Variants in VPS52 observed in about 807,000 individuals in gnomAD.
The protein encoded by VPS52 is VPS52 subunit of GARP complex.
VPS52 carries 56 observed loss-of-function variants against 98.7 expected under a neutral mutation model. That is an observed-to-expected ratio of 0.57 (90% CI 0.46 to 0.71). The LOEUF is 0.71. Ranked by LOEUF, VPS52 falls within the 30% of genes least tolerant of loss-of-function variation. The pLI is 0.00. For missense variants in VPS52, 742 were observed against 925.9 expected (o/e 0.80, Z 2.58); for synonymous variants, 348 against 346.4 (o/e 1.00, Z -0.05).
chr6:33,268,056 A>T lies in VPS52; in HGVS notation c.800+52T>A. 6.2e-7 allele frequency: 1 copy of T among 1,612,972 alleles called. No homozygotes were observed. The highest frequency in any genetic ancestry group is 8.5e-7 in the Non-Finnish European group (1 of 1,179,978). ...TCCCAAGAAACCAGATGCCCACACT[A>T]GGCCGCTCAAAAACTCAAAGGCCAT... On this transcript the variant is annotated intron_variant, in intron 8 of 19. Transcript: ENST00000445902. This position sits in a 1 kb window ranked among gnomAD's most constrained non-coding sequence, Gnocchi z 4.0.
chr6:33,267,439 G>C lies in VPS52; in HGVS notation c.992-118C>G. On this transcript the variant is annotated intron_variant, in intron 10 of 19. Coordinates refer to ENST00000445902, the MANE Select transcript of VPS52 (RefSeq NM_022553.6). This position sits in a 1 kb window ranked among gnomAD's most constrained non-coding sequence, Gnocchi z 4.2. ...TAGCCAGCCCTCTTTCCCAGTACTA[G>C]GGCCCCACGTGCTGACATCTGTGAA... 6.8e-7 allele frequency: 1 copy of C among 1,464,062 alleles called. No homozygotes were observed. Among genetic ancestry groups the C allele is most frequent in the Non-Finnish European group, 9.1e-7 (1 of 1,093,820 alleles). 90.7% of individuals were successfully genotyped at this position (1,464,062 alleles called of 1,614,324 possible).
In VPS52 at chr6:33,264,063, C is replaced by G; in HGVS notation, c.1565G>C (p.Ser522Thr). The G allele has an allele frequency of 6.2e-7, 1 of 1,614,242 alleles. No individual in the cohort carries two copies. The highest frequency in any genetic ancestry group is 1.1e-5 in the South Asian group (1 of 91,088). The change falls in exon 15 of 20, where the codon AGT (serine) becomes ACT (threonine). Residue 522 changes from serine to threonine, a missense_variant. Physicochemically the swap from Ser to Thr is moderately conservative, Grantham distance 58. Transcript: ENST00000445902. Reference protein sequence around the residue: ...RYAEFSSALVSINQTIPNERT... With the variant: ...RYAEFSSALVTINQTIPNERT... ...TTCATTAGGAATTGTCTGGTTGATA[C>G]TGACAAGAGCGGAGGAGAACTCTGC...
chr6:33,270,992 G>C (rs966598426), intron 1 of VPS52: 1 of 154,952 alleles, frequency 6.5e-6, no homozygotes. Context: ...GGAGATGACC[G>C]AATGAGGAAA....
At chr6:33,259,716 TC>T (rs1455365057) in intron 17 of VPS52, among the ~76,000 whole-genome samples, 5 of 150,740 alleles carry the variant, frequency 3.3e-5, no homozygotes, top group African/African-American at 1.2e-4. Context: ...CCGAAAAAAA[TC>T]AAAATCTGAA....
chr6:33,264,238 C>T (rs1322616435), intron 14 of VPS52, 135 bp from the exon 15 acceptor site: 4 of 1,545,206 alleles, frequency 2.6e-6, no homozygotes, highest in Non-Finnish European at 3.5e-6. Flanking sequence ...GCACCACTCA[C>T]CATGAGTTTC....
At position 33,269,791 on chromosome 6, in the gene VPS52, T is replaced by G; in HGVS notation, c.257A>C (p.Gln86Pro). The G allele has an allele frequency of 6.9e-7, 1 of 1,440,110 alleles. No individual in the cohort carries two copies. The highest frequency in any genetic ancestry group is 2.6e-5 in the East Asian group (1 of 38,938). 89.2% of individuals were successfully genotyped at this position (1,440,110 alleles called of 1,614,324 possible). Residue 86 changes from glutamine (Q) to proline (P), a missense_variant, in exon 4 of 20, where the codon CAA (glutamine) becomes CCA (proline). Coordinates refer to ENST00000445902, the MANE Select transcript of VPS52 (RefSeq NM_022553.6). ...AATCTGCTGTAGCTCCAGCTCAACTTGCTTTGAATAGTGACGGAGATCTAC... is the reference window on the plus strand; with the variant it reads ...AATCTGCTGTAGCTCCAGCTCAACTGGCTTTGAATAGTGACGGAGATCTAC... ...TGVDLRHYSK[Q>P]VELELQQIEQ...
intron 17 of VPS52, among the ~76,000 whole-genome samples, chr6:33,258,262 C>G (rs1055719821): frequency 2.4e-4 from 37 of 151,798 alleles, no homozygotes; most frequent in African/African-American, 8.5e-4. Flanking sequence ...TAGCACACGC[C>G]TGTAATCCCA....
At chr6:33,256,856 GAAAAGAAAAA>G (rs1196823697) in intron 17 of VPS52, among the ~76,000 whole-genome samples, 2 of 125,264 alleles carry the variant, frequency 1.6e-5, no homozygotes, top group Middle Eastern at 3.8e-3. Flanking sequence ...AAAAAAAAAA[GAAAAGAAAAA>G]AAAAGAAAAG....
At position 33,270,845 on chromosome 6, in the gene VPS52, G is replaced by T. The variant is rs189146576; in HGVS notation, c.91-562C>A. On this transcript the variant is annotated intron_variant, in intron 1 of 19. Coordinates refer to ENST00000445902, the MANE Select transcript of VPS52 (RefSeq NM_022553.6). Reference sequence around the variant, plus strand: ...GGGCGCCTGTAGTCCCAGCTACTTGGGAGGTTGAGGCAGGAGAATGGCGTG... The same window carrying T: ...GGGCGCCTGTAGTCCCAGCTACTTGTGAGGTTGAGGCAGGAGAATGGCGTG... Among the ~76,000 whole-genome samples, 340 of 151,882 alleles carry T rather than the reference G, an allele frequency of 2.2e-3. 1 individual carries two copies. Among genetic ancestry groups the T allele is most frequent in the Non-Finnish European group, 4.1e-3 (276 of 67,978 alleles).
chr6:33,271,344 C>T (rs1765040298), intron 1 of VPS52: 7 of 698,912 alleles, frequency 1.0e-5, no homozygotes, highest in East Asian at 5.4e-5. Flanking sequence ...TTACACTATA[C>T]TACTTCGTGA....
In VPS52 at chr6:33,267,377, C is replaced by A. The variant is rs1764462912; in HGVS notation, c.992-56G>T. On this transcript the variant is annotated intron_variant, in intron 10 of 19. Transcript: ENST00000445902. The surrounding 1 kb of genome is among the most constrained non-coding windows in gnomAD (Gnocchi z 4.2). ...GAGACCATAACTGGGCCCAAAGACT[C>A]ACTATCTGTGGGGACCCCAGACAGG... The A allele has an allele frequency of 6.6e-7, 1 of 1,523,720 alleles. No individual in the cohort carries two copies. Among genetic ancestry groups the A allele is most frequent in the Non-Finnish European group, 8.8e-7 (1 of 1,135,960 alleles). 94.4% of individuals were successfully genotyped at this position (1,523,720 alleles called of 1,614,324 possible).
intron 17 of VPS52, among the ~76,000 whole-genome samples, chr6:33,257,761 A>G (rs546551700): frequency 8.5e-5 from 13 of 152,198 alleles, no homozygotes; most frequent in Non-Finnish European, 1.6e-4. Flanking sequence ...TAAGCCCAGC[A>G]CTTTGGGAGG....
rs1255699869 is a variant in VPS52 at position 33,250,882 on chromosome 6, G to A, written c.2131C>T (p.His711Tyr). The A allele has an allele frequency of 6.2e-7, 1 of 1,613,080 alleles. No individual in the cohort carries two copies. ...TGCTTCTTGAGCTCCACCATAAGGT[G>A]GTGAATGTTGATGAGCTCAGCCCGG... ...PARAELINIH[H>Y]LMVELKKHKP... is the part of the protein sequence containing the mutation. Residue 711 changes from histidine (H) to tyrosine (Y), a missense_variant, in exon 20 of 20, where the codon CAC (histidine) becomes TAC (tyrosine). By Grantham distance (83) the His-to-Tyr change is moderately conservative. Around this residue, in one of 2 missense-constraint regions of VPS52, gnomAD observed 590 missense variants for 793.3 expected, o/e 0.74. Transcript: ENST00000445902.
intron 17 of VPS52, among the ~76,000 whole-genome samples, chr6:33,260,771 G>A (rs763473786): frequency 3.3e-5 from 5 of 152,104 alleles, no homozygotes; most frequent in Non-Finnish European, 5.9e-5. Flanking sequence ...AGGCTGAGGC[G>A]GGTGAATCAC....
intron 17 of VPS52, 94 bp downstream of exon 17, chr6:33,263,384 TACACAC>T (rs878982754): frequency 2.1e-4 from 118 of 574,226 alleles, no homozygotes; most frequent in Middle Eastern, 5.8e-4. Flanking sequence ...TGCCACTCCC[TACACAC>T]ACACACACAC....
intron 12 of VPS52, 21 bp from the exon 13 acceptor site, chr6:33,264,921 CAG>C (rs1350389630): frequency 5.7e-6 from 9 of 1,587,968 alleles, no homozygotes; most frequent in Admixed American, 3.3e-5. Context: ...GGGGAACAAA[CAG>C]AGGATTAAAA....
intron 17 of VPS52, among the ~76,000 whole-genome samples, chr6:33,257,940 A>G (rs895438099): frequency 6.6e-6 from 1 of 152,190 alleles, no homozygotes; most frequent in Non-Finnish European, 1.5e-5. Flanking sequence ...GCCTGAGCCC[A>G]GGAGGTTGAG....
chr6:33,263,959 C>T (rs1763966180), intron 15 of VPS52, 49 bp downstream of exon 15: 1 of 1,613,516 alleles, frequency 6.2e-7, no homozygotes, highest in South Asian at 1.1e-5. Context: ...AGACTCCACC[C>T]ACTGGAAGCA....
chr6:33,256,829 G>A (rs1388100477), intron 17 of VPS52, among the ~76,000 whole-genome samples: 19 of 140,930 alleles, frequency 1.3e-4, no homozygotes, highest in African/African-American at 5.0e-4. Flanking sequence ...TGACAAGAGT[G>A]AGACTCTGTC....
Sources: allele counts gnomAD v4.1 joint callset (sites outside exome capture counted in the v4.1 genomes callset), GRCh38; gene constraint gnomAD v4.1.1; regional missense constraint gnomAD v4.1.1; non-coding constraint Gnocchi (gnomAD v3.1); transcripts MANE v1.5; gene names NCBI Gene and HGNC (gene_info 2026-07-23, HGNC 2026-07-21).